Variants in KCNN2 observed in about 807,000 individuals in gnomAD.
KCNN2 encodes the protein small conductance calcium-activated potassium channel protein 2.
A neutral mutation model predicts 55.5 loss-of-function variants in KCNN2; 24 were observed. The ratio of observed to expected loss-of-function variants is 0.43; its 90% CI spans 0.31 to 0.61. The LOEUF is 0.61. Ranked by LOEUF, KCNN2 falls within the 20% of genes least tolerant of loss-of-function variation. The pLI is 0.08. For missense variants in KCNN2, 754 were observed against 853.6 expected (o/e 0.88, Z 1.45); for synonymous variants, 431 against 336.1 (o/e 1.28, Z -3.09).
intron 1 of KCNN2, among the ~76,000 whole-genome samples, chr5:114,139,944 T>C (rs998760489): frequency 6.6e-6 from 1 of 152,042 alleles, no homozygotes; most frequent in Non-Finnish European, 1.5e-5. Context: ...TTTAAACAGA[T>C]TGAATACAGA....
chr5:114,482,993 A>G (rs1762293160), intron 5 of KCNN2, among the ~76,000 whole-genome samples: 1 of 152,012 alleles, frequency 6.6e-6, no homozygotes, highest in Non-Finnish European at 1.5e-5. Flanking sequence ...GTGTTTACCT[A>G]TATAACATAT....
chr5:114,177,501 A>G (rs958896855), intron 1 of KCNN2, among the ~76,000 whole-genome samples: 1 of 151,476 alleles, frequency 6.6e-6, no homozygotes, highest in Non-Finnish European at 1.5e-5. Flanking sequence ...ATATATCCAT[A>G]TATATATATA....
chr5:114,280,956 A>G (rs1253366129), intron 2 of KCNN2, among the ~76,000 whole-genome samples: 1 of 152,036 alleles, frequency 6.6e-6, no homozygotes. Flanking sequence ...CCTTGAGCAC[A>G]CTAACCCTTC....
At chr5:114,242,685 G>A (rs1390405005) in intron 2 of KCNN2, among the ~76,000 whole-genome samples, 3 of 152,168 alleles carry the variant, frequency 2.0e-5, no homozygotes, top group Non-Finnish European at 4.4e-5. Flanking sequence ...GAAGCAAATC[G>A]ATCTCTAGGT....
chr5:114,074,232 C>G (rs1400589949), intron 1 of KCNN2, among the ~76,000 whole-genome samples: 1 of 151,960 alleles, frequency 6.6e-6, no homozygotes, highest in Non-Finnish European at 1.5e-5. Flanking sequence ...CAAAGTATCT[C>G]TCTTGTTACC....
chr5:114,452,074 C>T (rs1760717656), intron 3 of KCNN2, among the ~76,000 whole-genome samples: 1 of 151,942 alleles, frequency 6.6e-6, no homozygotes, highest in Non-Finnish European at 1.5e-5. Flanking sequence ...TTTCATAACT[C>T]AGTTATAGGG....
At chr5:114,402,737 G>A (rs942627636) in intron 2 of KCNN2, among the ~76,000 whole-genome samples, 1 of 152,226 alleles carries the variant, frequency 6.6e-6, no homozygotes, top group Non-Finnish European at 1.5e-5. Flanking sequence ...AGGTGACTCT[G>A]AGGGGTCAGC....
chr5:114,140,704 A>G (rs145139589), intron 1 of KCNN2, among the ~76,000 whole-genome samples: 2,704 of 150,360 alleles, frequency 0.018, 75 homozygotes, highest in African/African-American at 0.061. Context: ...ATATAAAACC[A>G]AAAATGTTAT....
intron 4 of KCNN2, among the ~76,000 whole-genome samples, 163 bp downstream of exon 4, chr5:114,463,353 C>T (rs80110483): frequency 0.073 from 11,058 of 152,242 alleles, 680 homozygotes; most frequent in African/African-American, 0.17. Flanking sequence ...CAACAGTTTT[C>T]CTCTTAATTC....
intron 1 of KCNN2, among the ~76,000 whole-genome samples, chr5:114,177,012 C>G (rs933530063): frequency 6.6e-6 from 1 of 152,004 alleles, no homozygotes; most frequent in East Asian, 1.9e-4. Context: ...CTGAAAAACT[C>G]TTAGAGTAAA....
chr5:114,139,329 A>T (rs977523058), intron 1 of KCNN2, among the ~76,000 whole-genome samples: 4 of 151,952 alleles, frequency 2.6e-5, no homozygotes, highest in African/African-American at 9.7e-5. Context: ...TTTACTGAGG[A>T]CTGTGTAAGT....
chr5:114,057,445 T>G (rs1248099785), intron 1 of KCNN2, among the ~76,000 whole-genome samples: 1 of 152,180 alleles, frequency 6.6e-6, no homozygotes, highest in African/African-American at 2.4e-5. Flanking sequence ...AGATTGAAGC[T>G]CAGCATCTGA....
In KCNN2 at chr5:114,485,061, T is replaced by G. The variant is rs532185965; in HGVS notation, c.1891-1989T>G. On this transcript the variant is annotated intron_variant, in intron 5 of 7. Transcript: ENST00000673685. ...ATTTAAAATGCATCGGTCACCTTTT[T>G]AAAAGCGTATTGACTTTAGAAATAA... Among the ~76,000 whole-genome samples the G allele has an allele frequency of 3.9e-4, 59 of 152,352 alleles. 1 individual carries two copies. The highest frequency in any genetic ancestry group is 1.3e-3 in the African/African-American group (55 of 41,594).
chr5:114,285,013 T>C (rs1755707851), intron 2 of KCNN2, among the ~76,000 whole-genome samples: 1 of 151,580 alleles, frequency 6.6e-6, no homozygotes, highest in Admixed American at 6.6e-5. Context: ...CTGGGCGCGG[T>C]GGCTCATGCC....
At position 114,257,649 on chromosome 5, in the gene KCNN2, T is replaced by TTGA. The variant is rs1480242725; in HGVS notation, c.-185+36086_-185+36088dup. ...TTGACTTCTTGATTTGGTTCTCAGCTTGATTGTTATAGGTATACAGAAATG... is the reference window on the plus strand; with the variant it reads ...TTGACTTCTTGATTTGGTTCTCAGCTTGATGATTGTTATAGGTATACAGAAATG... On this transcript the variant is annotated intron_variant, in intron 2 of 10. Transcript: ENST00000512097. 1.4e-4 allele frequency among the ~76,000 whole-genome samples: 21 copies of TTGA among 152,176 alleles called. 1 individual carries two copies. The highest frequency in any genetic ancestry group is 1.2e-3 in the Admixed American group (19 of 15,274).
rs763355055 is a variant in KCNN2 at position 114,363,018 on chromosome 5, C to T, written c.879C>T (p.Leu293=). 6.2e-7 allele frequency: 1 copy of T among 1,601,260 alleles called. No individual in the cohort carries two copies. Among genetic ancestry groups the T allele is most frequent in the Non-Finnish European group, 8.5e-7 (1 of 1,176,524 alleles). The part of the protein sequence containing the change: ...PEHNNSNNLA[L]YGTGGGGSTG... The stretch of plus-strand genomic sequence containing the variant: ...ACAACAACTCCAACAACCTGGCGCT[C>T]TATGGAACCGGCGGCGGAGGCAGCA... The change falls in exon 1 of 8, where the codon CTC becomes CTT. Residue 293 remains leucine, a synonymous_variant. Coordinates refer to ENST00000673685, the MANE Select transcript of KCNN2 (RefSeq NM_021614.4).
chr5:114,152,874 A>G (rs4076576), intron 1 of KCNN2, among the ~76,000 whole-genome samples: 67,118 of 152,048 alleles, frequency 0.44, 15,535 homozygotes, highest in Middle Eastern at 0.56. Context: ...CAAGGTGGCT[A>G]AAGTACAGAG....
intron 2 of KCNN2, among the ~76,000 whole-genome samples, chr5:114,389,217 G>T (rs73782223): frequency 0.043 from 6,590 of 152,018 alleles, 501 homozygotes; most frequent in African/African-American, 0.15. Context: ...CATTGTATAT[G>T]TTCGTTTCTC....
At chr5:114,472,668 A>G (rs1761803908) in intron 4 of KCNN2, among the ~76,000 whole-genome samples, 1 of 152,094 alleles carries the variant, frequency 6.6e-6, no homozygotes, top group South Asian at 2.1e-4. Flanking sequence ...GTATGGAAAA[A>G]TCCTTATTTC....
Sources: gnomAD v4.1 joint callset for allele counts (sites outside exome capture counted in the v4.1 genomes callset) on GRCh38, gnomAD v4.1.1 for gene constraint, MANE v1.5 for transcripts, NCBI Gene and HGNC (gene_info 2026-07-23, HGNC 2026-07-21) for gene names.